Variants in PTGR1 observed in about 807,000 individuals in gnomAD.
PTGR1 encodes prostaglandin reductase 1.
Under a neutral mutation model 37.7 loss-of-function variants are expected in PTGR1, and 23 were observed. The ratio of observed to expected loss-of-function variants is 0.61; its 90% confidence interval spans 0.44 to 0.86. The LOEUF (loss-of-function observed/expected upper bound fraction) is 0.86, where lower values mean the gene tolerates loss of function less well. PTGR1 is among the 40% of genes least tolerant of loss of function. The probability of loss-of-function intolerance (pLI) is 0.00; values close to 1 mark genes in which losing one functional copy is unlikely to be tolerated. For missense variants in PTGR1, 351 were observed against 394.3 expected, an observed-to-expected ratio of 0.89 and a Z score of 0.93; for synonymous variants, 134 against 140.0, an observed-to-expected ratio of 0.96 and a Z score of 0.30.
At chr9:111,594,589 C>T (rs1465205809) in intron 2 of PTGR1, among the ~76,000 whole-genome samples, 1 of 129,440 alleles carries the variant, frequency 7.7e-6, no homozygotes, top group South Asian at 2.5e-4. Context: ...CTCGCTCTGT[C>T]ACCCAGGCTG....
chr9:111,582,273 G>A (rs1829304450), intron 6 of PTGR1, among the ~76,000 whole-genome samples: 2 of 152,114 alleles, frequency 1.3e-5, no homozygotes, highest in Non-Finnish European at 2.9e-5. Flanking sequence ...ACATAAAATG[G>A]ACAGAAAGGT....
chr9:111,570,318 C>T, intron 8 of PTGR1, 109 bp from the exon 9 acceptor site: 1 of 1,448,846 alleles, frequency 6.9e-7, no homozygotes. Context: ...TTTTTTGGTG[C>T]TTCTCCCCTT....
intron 9 of PTGR1, chr9:111,549,858 G>T (rs1827888786): frequency 3.7e-6 from 4 of 1,084,470 alleles, no homozygotes; most frequent in Admixed American, 2.2e-5. Flanking sequence ...TTGCTTTAAA[G>T]TCTGTCTAGT....
chr9:111,597,207 T>A (rs923060662), intron 2 of PTGR1, 110 bp downstream of exon 2: 28 of 818,504 alleles, frequency 3.4e-5, no homozygotes, highest in African/African-American at 8.5e-5. Flanking sequence ...AATTGTGAAC[T>A]AATAAACCGT....
At chr9:111,594,756 T>C (rs1829729005) in intron 2 of PTGR1, among the ~76,000 whole-genome samples, 1 of 151,762 alleles carries the variant, frequency 6.6e-6, no homozygotes, top group Non-Finnish European at 1.5e-5. Flanking sequence ...TTTCACCGTG[T>C]TAGCCAGGAT....
At chr9:111,565,952 G>A (rs544270396) in intron 9 of PTGR1, among the ~76,000 whole-genome samples, 10 of 152,222 alleles carry the variant, frequency 6.6e-5, no homozygotes, top group Admixed American at 1.3e-4. Flanking sequence ...TGGCTCACAC[G>A]TATAATTCGA....
At chr9:111,567,803 T>C (rs1828632469) in intron 9 of PTGR1, among the ~76,000 whole-genome samples, 1 of 152,190 alleles carries the variant, frequency 6.6e-6, no homozygotes, top group Non-Finnish European at 1.5e-5. Context: ...AGTCCACTAC[T>C]GTTGCGGGAA....
chr9:111,572,568 C>T (rs986774017), intron 8 of PTGR1, among the ~76,000 whole-genome samples: 10 of 151,736 alleles, frequency 6.6e-5, no homozygotes, highest in South Asian at 2.1e-4. Flanking sequence ...CCAGCCTGGG[C>T]GACAGAGTGA....
rs1420871720 is a variant in PTGR1 at position 111,578,801 on chromosome 9, C to A, written c.646G>T (p.Asp216Tyr). Residue 216 changes from aspartate to tyrosine, a missense_variant, in exon 7 of 10, where the codon GAT (aspartate) becomes TAT (tyrosine). Asp to Tyr is a radical substitution (Grantham distance 160, BLOSUM62 -3). Coordinates refer to ENST00000407693, the MANE Select transcript of PTGR1 (RefSeq NM_001146108.2). Reference sequence around the variant, plus strand: ...TAAGTCCAGTTTGTACTTACATTATCAAAATAACAATCATAACCATCAGGA... The same window carrying A: ...TAAGTCCAGTTTGTACTTACATTATAAAAATAACAATCATAACCATCAGGA... ...ASPDGYDCYF[D>Y]NVGGEFSNTV... The A allele has an allele frequency of 2.5e-6, 4 of 1,601,946 alleles. No homozygotes were observed. Among genetic ancestry groups the A allele is most frequent in the Admixed American group, 1.8e-5 (1 of 56,540 alleles).
At chr9:111,593,743 GCTGCAACCTCTGCCTCC>G (rs1174035775) in intron 3 of PTGR1, among the ~76,000 whole-genome samples, 4 of 151,864 alleles carry the variant, frequency 2.6e-5, no homozygotes, top group African/African-American at 7.2e-5. Flanking sequence ...ATCTTGGCTC[GCTGCAACCTCTGCCTCC>G]CTGCAACCTC....
chr9:111,576,591 C>G (rs1172005681), intron 7 of PTGR1: 1 of 624,052 alleles, frequency 1.6e-6, no homozygotes, highest in Non-Finnish European at 2.7e-6. Flanking sequence ...ACTTCTGAAC[C>G]TCCTTTTGTC....
chr9:111,552,539 A>G (rs1297914983), intron 9 of PTGR1, among the ~76,000 whole-genome samples: 1 of 152,204 alleles, frequency 6.6e-6, no homozygotes, highest in Non-Finnish European at 1.5e-5. Context: ...GATAGAAACT[A>G]ACTTTTCTGT....
chr9:111,597,505 G>A, intron 1 of PTGR1, 73 bp from the exon 2 acceptor site: 1 of 861,650 alleles, frequency 1.2e-6, no homozygotes, highest in Non-Finnish European at 1.9e-6. Context: ...CCGTCAAACT[G>A]AGACCAGACA....
At chr9:111,586,826 C>CT (rs35566435) in intron 4 of PTGR1, among the ~76,000 whole-genome samples, 35 of 142,690 alleles carry the variant, frequency 2.5e-4, no homozygotes, top group Non-Finnish European at 3.4e-4. Flanking sequence ...TATATGCATA[C>CT]TTTTTTTTTT....
At position 111,554,170 on chromosome 9, in the gene PTGR1, T is replaced by C. The variant is rs764050199; in HGVS notation, c.880-4371A>G. Among the ~76,000 whole-genome samples the C allele has an allele frequency of 5.0e-4, 76 of 152,186 alleles. 2 individuals carry two copies. Among genetic ancestry groups the C allele is most frequent in the Admixed American group, 1.3e-4 (2 of 15,270 alleles). ...CTATTGACATCACAAACTACTACTA[T>C]TATGTTATTGGAACTAACTACTTAG... On this transcript the variant is annotated intron_variant, in intron 9 of 9. Coordinates refer to the PTGR1 transcript ENST00000538962.
In PTGR1 at chr9:111,597,344, C is replaced by A. The variant is rs1053959; in HGVS notation, c.79G>T (p.Ala27Ser). The change falls in exon 2 of 10, where the codon GCT becomes TCT. Residue 27 changes from alanine to serine, a missense_variant. Physicochemically the swap from Ala to Ser is moderately conservative, Grantham distance 99. Coordinates refer to ENST00000407693, the MANE Select transcript of PTGR1 (RefSeq NM_001146108.2). ...CCATTTTTTAAGGGTGGGAGCTCAGCTGTCTTCAACTCAAAGTCACTATTA... is the reference window on the plus strand; with the variant it reads ...CCATTTTTTAAGGGTGGGAGCTCAGATGTCTTCAACTCAAAGTCACTATTA... Reference protein sequence around the residue: ...PTNSDFELKTAELPPLKNGEV... With the variant: ...PTNSDFELKTSELPPLKNGEV... 972,046 of 1,610,234 alleles carry A rather than the reference C, an allele frequency of 0.6. 294,325 individuals carry two copies. The highest frequency in any genetic ancestry group is 0.63 in the South Asian group (56,837 of 90,810).
chr9:111,579,766 C>T (rs974047496), intron 6 of PTGR1, among the ~76,000 whole-genome samples: 1 of 151,732 alleles, frequency 6.6e-6, no homozygotes, highest in Non-Finnish European at 1.5e-5. Flanking sequence ...CCCCCTTTAT[C>T]CTTTGATTTA....
In PTGR1 at chr9:111,562,911, GAACA is replaced by G; in HGVS notation, c.*206_*209del. 1 of 1,341,144 alleles carries G rather than the reference GAACA, an allele frequency of 7.5e-7. No homozygotes were observed. Among genetic ancestry groups the G allele is most frequent in the Non-Finnish European group, 9.6e-7 (1 of 1,037,056 alleles). The allele number at this position is 1,341,144 out of a possible 1,614,324, so 83.1% of individuals were successfully genotyped here. A position where few individuals can be genotyped will look rare whatever the true frequency, so the allele number is the denominator to read the frequency against. ...ACCACAACTCAGAAGAAGCTGTAGTGAACAGTGAGGTGACTGGTTGTTGTTGACT... is the reference window on the plus strand; with the variant it reads ...ACCACAACTCAGAAGAAGCTGTAGTGGTGAGGTGACTGGTTGTTGTTGACT... On this transcript the variant is annotated 3_prime_UTR_variant, in exon 10 of 10. Transcript: ENST00000407693.
chr9:111,554,869 A>G (rs1244141756), intron 9 of PTGR1, among the ~76,000 whole-genome samples: 1 of 152,218 alleles, frequency 6.6e-6, no homozygotes, highest in Non-Finnish European at 1.5e-5. Context: ...CAGGGTCTAC[A>G]ACTGAAGTCC....
Sources: allele counts gnomAD v4.1 joint callset (sites outside exome capture counted in the v4.1 genomes callset), GRCh38; gene constraint gnomAD v4.1.1; transcripts MANE v1.5; gene names NCBI Gene and HGNC (gene_info 2026-07-23, HGNC 2026-07-21).